THSD4: variants seen among roughly 807,000 people sequenced by gnomAD.
The protein encoded by THSD4 is thrombospondin type-1 domain-containing protein 4.
Under a neutral mutation model 119.0 loss-of-function variants are expected in THSD4, and 69 were observed. The ratio of observed to expected loss-of-function variants is 0.58; its 90% CI spans 0.48 to 0.71. The LOEUF (loss-of-function observed/expected upper bound fraction) is 0.71. Ranked by LOEUF, THSD4 falls within the 30% of genes least tolerant of loss-of-function variation. THSD4 has a pLI of 0.00. For synonymous variants in THSD4, 524 were observed against 540.4 expected (o/e 0.97, Z 0.42); for missense variants, 1,393 against 1,391.1 (o/e 1.00, Z -0.02).
At chr15:71,201,665 T>C (rs2043804491) in intron 3 of THSD4, among the ~76,000 whole-genome samples, 1 of 152,232 alleles carries the variant, frequency 6.6e-6, no homozygotes, top group Non-Finnish European at 1.5e-5. Context: ...GTGGTTCTTG[T>C]TTCTTCCTTG....
chr15:71,572,133 C>T (rs2049369841), intron 7 of THSD4, among the ~76,000 whole-genome samples: 2 of 152,052 alleles, frequency 1.3e-5, no homozygotes, highest in South Asian at 4.1e-4. Context: ...AAATAAAATC[C>T]TACCACAACA....
At chr15:71,403,592 G>A (rs753158154) in intron 6 of THSD4, among the ~76,000 whole-genome samples, 3 of 152,180 alleles carry the variant, frequency 2.0e-5, no homozygotes, top group African/African-American at 4.8e-5. Flanking sequence ...TACCAAGAAT[G>A]CAAGGCCCTG....
At chr15:71,204,235 G>A (rs1407418993) in intron 3 of THSD4, among the ~76,000 whole-genome samples, 1 of 152,222 alleles carries the variant, frequency 6.6e-6, no homozygotes, top group Non-Finnish European at 1.5e-5. Flanking sequence ...GGCTGGTGAT[G>A]AAAGAGTCAG....
At chr15:71,249,323 T>C (rs939234820) in intron 5 of THSD4, among the ~76,000 whole-genome samples, 1 of 151,666 alleles carries the variant, frequency 6.6e-6, no homozygotes, top group African/African-American at 2.4e-5. Context: ...ACTTCATATA[T>C]GTATATATAC....
chr15:71,747,753 C>T (rs1445748283), intron 13 of THSD4, among the ~76,000 whole-genome samples: 1 of 152,188 alleles, frequency 6.6e-6, no homozygotes, highest in Admixed American at 6.5e-5. Context: ...CCAAACAAAC[C>T]AGTGTCCTCT....
chr15:71,303,119 C>A (rs2044975277), intron 6 of THSD4, among the ~76,000 whole-genome samples: 1 of 150,960 alleles, frequency 6.6e-6, no homozygotes, highest in South Asian at 2.1e-4. Flanking sequence ...AGCTTTCCTA[C>A]CCAGGAGGAG....
intron 7 of THSD4, among the ~76,000 whole-genome samples, chr15:71,438,804 G>A (rs546134775): frequency 4.3e-4 from 66 of 152,168 alleles, no homozygotes; most frequent in Non-Finnish European, 6.3e-4. Flanking sequence ...CTTTGCTCGG[G>A]GCTAATGCAT....
intron 8 of THSD4, among the ~76,000 whole-genome samples, chr15:71,665,845 CT>C (rs1250188298): frequency 6.6e-6 from 1 of 152,088 alleles, no homozygotes; most frequent in Non-Finnish European, 1.5e-5. Context: ...TTTCTCTATT[CT>C]GTTTCACTGG....
chr15:71,407,024 T>G (rs553690486), intron 6 of THSD4, among the ~76,000 whole-genome samples: 51 of 152,296 alleles, frequency 3.3e-4, no homozygotes, highest in Admixed American at 1.2e-3. Context: ...TTGGTTGTTA[T>G]GTCTTCCTGA....
At chr15:71,254,782 G>A (rs918996259) in intron 5 of THSD4, among the ~76,000 whole-genome samples, 3 of 152,210 alleles carry the variant, frequency 2.0e-5, no homozygotes, top group African/African-American at 7.2e-5. Flanking sequence ...GTTGCCAGCA[G>A]GTTGGCTTCC....
intron 8 of THSD4, among the ~76,000 whole-genome samples, chr15:71,666,336 T>C (rs1391248365): frequency 6.6e-6 from 1 of 152,176 alleles, no homozygotes; most frequent in Admixed American, 6.5e-5. Context: ...TTTTAACTTT[T>C]AAGTTAAAGG....
At chr15:71,551,079 C>T (rs28376128) in intron 7 of THSD4, among the ~76,000 whole-genome samples, 18,859 of 152,164 alleles carry the variant, frequency 0.12, 3,982 homozygotes, top group African/African-American at 0.43. Flanking sequence ...TTCCATCCTA[C>T]TGTCCTAGTG....
At chr15:71,240,798 TACACACACACACAC>T (rs58462444) in intron 4 of THSD4, among the ~76,000 whole-genome samples, 38 of 145,610 alleles carry the variant, frequency 2.6e-4, no homozygotes, top group African/African-American at 8.1e-4. Context: ...TATATGTGTA[TACACACACACACAC>T]ACACACACAC....
chr15:71,221,091 C>T (rs2043971789), intron 4 of THSD4, among the ~76,000 whole-genome samples: 1 of 152,072 alleles, frequency 6.6e-6, no homozygotes, highest in South Asian at 2.1e-4. Context: ...TAGGTGAGTC[C>T]TGCAAAGCAT....
intron 4 of THSD4, among the ~76,000 whole-genome samples, chr15:71,222,263 G>A (rs151232880): frequency 1.4e-4 from 21 of 152,252 alleles, no homozygotes; most frequent in African/African-American, 4.6e-4. Flanking sequence ...GGGTATGAGA[G>A]CAGTGCCCTC....
At chr15:71,269,444 G>A (rs1057293145) in intron 6 of THSD4, among the ~76,000 whole-genome samples, 7 of 152,036 alleles carry the variant, frequency 4.6e-5, no homozygotes, top group African/African-American at 9.7e-5. Context: ...TTAATGGAAC[G>A]TATCTCAGAA....
chr15:71,670,236 C>G (rs969575711), intron 8 of THSD4, among the ~76,000 whole-genome samples: 3 of 151,654 alleles, frequency 2.0e-5, no homozygotes, highest in African/African-American at 7.3e-5. Flanking sequence ...CCCCTATCCC[C>G]CACCCCATGA....
chr15:71,143,919 T>C (rs2040631524), intron 2 of THSD4, among the ~76,000 whole-genome samples: 1 of 152,090 alleles, frequency 6.6e-6, no homozygotes, highest in Non-Finnish European at 1.5e-5. Flanking sequence ...GGTATGGAGA[T>C]CATCTCCCTT....
chr15:71,564,324 T>C (rs2049182018), intron 7 of THSD4, among the ~76,000 whole-genome samples: 1 of 152,160 alleles, frequency 6.6e-6, no homozygotes, highest in South Asian at 2.1e-4. Context: ...TGTGTGTGGA[T>C]CAAGTGTCAT....
Sources: allele counts gnomAD v4.1 joint callset (sites outside exome capture counted in the v4.1 genomes callset), GRCh38; gene constraint gnomAD v4.1.1; transcripts MANE v1.5; gene names NCBI Gene and HGNC (gene_info 2026-07-23, HGNC 2026-07-21).